The following FOXP2 variants were observed in gnomAD, a reference collection of about 807,000 sequenced individuals.
FOXP2 encodes the protein forkhead box protein P2.
Under a neutral mutation model 115.8 loss-of-function variants are expected in FOXP2, and 12 were observed. The observed-to-expected ratio is 0.10, with a 90% CI of 0.07 to 0.17. The LOEUF is 0.17. Ranked by LOEUF, FOXP2 falls within the 10% of genes least tolerant of loss-of-function variation. FOXP2 has a pLI of 1.00. For synonymous variants in FOXP2, 328 were observed against 297.7 expected, an observed-to-expected ratio of 1.10 and a Z score of -1.05; for missense variants, 629 against 843.5, an observed-to-expected ratio of 0.75 and a Z score of 3.15.
At chr7:114,137,622 G>A (rs1159326063) in intron 1 of FOXP2, among the ~76,000 whole-genome samples, 1 of 151,086 alleles carries the variant, frequency 6.6e-6, no homozygotes, top group Non-Finnish European at 1.5e-5. Flanking sequence ...AGTTTCACAC[G>A]GAACAGTTCA....
chr7:114,415,464 T>C, intron 1 of FOXP2, 104 bp downstream of exon 1: 1 of 364,406 alleles, frequency 2.7e-6, no homozygotes, highest in Non-Finnish European at 5.3e-6. Context: ...CTTTTTTTTT[T>C]TTCTGAGACT....
At chr7:114,589,802 C>G (rs915079601) in intron 3 of FOXP2, among the ~76,000 whole-genome samples, 1 of 152,114 alleles carries the variant, frequency 6.6e-6, no homozygotes, top group African/African-American at 2.4e-5. Flanking sequence ...GAGCTTACTA[C>G]TGGTATTTTA....
chr7:114,611,690 C>G (rs79013191), intron 3 of FOXP2, among the ~76,000 whole-genome samples: 1 of 152,044 alleles, frequency 6.6e-6, no homozygotes, highest in African/African-American at 2.4e-5. Flanking sequence ...ACTGGCATTT[C>G]GCTATAATCG....
chr7:114,661,320 A>G (rs1459451745), intron 13 of FOXP2, among the ~76,000 whole-genome samples: 1 of 152,038 alleles, frequency 6.6e-6, no homozygotes, highest in Non-Finnish European at 1.5e-5. Context: ...TTTAGGAATG[A>G]CTTAATTTGA....
intron 2 of FOXP2, among the ~76,000 whole-genome samples, chr7:114,331,944 G>A (rs576268924): frequency 6.6e-6 from 1 of 152,080 alleles, no homozygotes; most frequent in African/African-American, 2.4e-5. Context: ...ACTGCACCTG[G>A]GCTTCTGACA....
At chr7:114,465,494 C>T (rs747821354) in intron 2 of FOXP2, among the ~76,000 whole-genome samples, 2 of 151,978 alleles carry the variant, frequency 1.3e-5, no homozygotes, top group African/African-American at 4.8e-5. Flanking sequence ...AAAATGAGAA[C>T]CAATAAAGTC....
intron 1 of FOXP2, among the ~76,000 whole-genome samples, chr7:114,255,835 C>T (rs1735403697): frequency 6.6e-6 from 1 of 152,068 alleles, no homozygotes; most frequent in South Asian, 2.1e-4. Context: ...GTGAGATGAA[C>T]CCAGTACCTC....
At chr7:114,232,674 A>T (rs984504938) in intron 1 of FOXP2, among the ~76,000 whole-genome samples, 2 of 152,016 alleles carry the variant, frequency 1.3e-5, no homozygotes, top group African/African-American at 4.8e-5. Flanking sequence ...TTATCCAGGC[A>T]TGGTGGCATA....
intron 2 of FOXP2, among the ~76,000 whole-genome samples, chr7:114,459,708 C>A (rs185220177): frequency 6.7e-6 from 1 of 150,130 alleles, no homozygotes. Flanking sequence ...CTCCATCTCC[C>A]GGATTTAAGC....
intron 1 of FOXP2, among the ~76,000 whole-genome samples, chr7:114,228,609 C>A (rs1194276440): frequency 6.6e-6 from 1 of 151,856 alleles, no homozygotes; most frequent in Admixed American, 6.6e-5. Context: ...AGAGCTACTA[C>A]CACTTCTACT....
At chr7:114,190,116 A>G (rs558239729) in intron 1 of FOXP2, among the ~76,000 whole-genome samples, 49 of 152,296 alleles carry the variant, frequency 3.2e-4, no homozygotes, top group African/African-American at 1.1e-3. Flanking sequence ...TACTCTTTCT[A>G]TCTTTCTCAC....
chr7:114,237,659 T>C (rs1795045941), intron 1 of FOXP2, among the ~76,000 whole-genome samples: 1 of 152,080 alleles, frequency 6.6e-6, no homozygotes, highest in Non-Finnish European at 1.5e-5. Flanking sequence ...TTTTTTTGTT[T>C]GTTTTTTAAA....
At chr7:114,644,928 A>C in intron 8 of FOXP2, 139 bp downstream of exon 8, 1 of 651,512 alleles carries the variant, frequency 1.5e-6, no homozygotes, top group Non-Finnish European at 2.7e-6. Flanking sequence ...TGTGGGTTCC[A>C]ACAAGTGGAT....
chr7:114,171,284 T>G (rs1409116370), intron 1 of FOXP2, among the ~76,000 whole-genome samples: 1 of 152,184 alleles, frequency 6.6e-6, no homozygotes, highest in Non-Finnish European at 1.5e-5. Flanking sequence ...TCATTAATAA[T>G]GTACCTGGGC....
intron 2 of FOXP2, among the ~76,000 whole-genome samples, chr7:114,489,343 A>G (rs1276348907): frequency 6.6e-6 from 1 of 152,170 alleles, no homozygotes; most frequent in Non-Finnish European, 1.5e-5. Flanking sequence ...TAAATATACT[A>G]GAAATAAAAC....
At chr7:114,270,707 A>G (rs950715651) in intron 1 of FOXP2, among the ~76,000 whole-genome samples, 7 of 152,010 alleles carry the variant, frequency 4.6e-5, no homozygotes, top group Non-Finnish European at 1.0e-4. Context: ...ATTTTTGCTT[A>G]ACAGTCCTTT....
At chr7:114,617,918 C>T (rs534976325) in intron 3 of FOXP2, among the ~76,000 whole-genome samples, 1 of 152,344 alleles carries the variant, frequency 6.6e-6, no homozygotes, top group East Asian at 1.9e-4. Flanking sequence ...TACCCCTAGT[C>T]ATAAAGAATA....
chr7:114,609,449 T>C (rs1272318989), intron 3 of FOXP2, among the ~76,000 whole-genome samples: 3 of 152,176 alleles, frequency 2.0e-5, no homozygotes, highest in African/African-American at 7.2e-5. Flanking sequence ...CCAACATGAA[T>C]ATAGTGTACT....
intron 1 of FOXP2, among the ~76,000 whole-genome samples, chr7:114,147,829 C>G (rs1292664821): frequency 6.6e-6 from 1 of 152,032 alleles, no homozygotes; most frequent in Admixed American, 6.6e-5. Context: ...TATTTGGGAG[C>G]AGTGGAAACC....
Sources: allele counts gnomAD v4.1 joint callset (sites outside exome capture counted in the v4.1 genomes callset), GRCh38; gene constraint gnomAD v4.1.1; transcripts MANE v1.5; gene names NCBI Gene and HGNC (gene_info 2026-07-23, HGNC 2026-07-21).